FBXO36: variants seen among roughly 807,000 people sequenced by gnomAD.
The protein encoded by FBXO36 is F-box only protein 36.
FBXO36 carries 18 observed loss-of-function variants against 17.0 expected under a neutral mutation model. That is an observed-to-expected ratio of 1.06 (90% confidence interval 0.73 to 1.57). The LOEUF is 1.57. Ranked by LOEUF, FBXO36 falls within the 40% of genes most tolerant of loss-of-function variation. FBXO36 has a pLI of 0.00. For missense variants in FBXO36, 229 were observed against 221.9 expected, an observed-to-expected ratio of 1.03 and a Z score of -0.20; for synonymous variants, 83 against 85.3, an observed-to-expected ratio of 0.97 and a Z score of 0.15.
intron 2 of FBXO36, 30 bp from the exon 3 acceptor site, chr2:229,996,721 G>A: frequency 6.3e-7 from 1 of 1,590,830 alleles, no homozygotes. Context: ...GACTGTATAT[G>A]ATAACCATGT....
intron 1 of FBXO36, among the ~76,000 whole-genome samples, chr2:229,936,743 C>T (rs962116157): frequency 2.0e-5 from 3 of 152,090 alleles, no homozygotes; most frequent in African/African-American, 4.8e-5. Flanking sequence ...TGGTGGCATG[C>T]AACTGTGGTC....
At position 229,996,042 on chromosome 2, in the gene FBXO36, G is replaced by A. The variant is rs1305508864; in HGVS notation, c.206-709G>A. On this transcript the variant is annotated intron_variant, in intron 2 of 3. Coordinates refer to ENST00000283946, the MANE Select transcript of FBXO36 (RefSeq NM_174899.5). ...TGGAATCCCAGCACTTTGGGAGGCC[G>A]AGGTGGGAGGATTGCTTGAGCCCAG... Among the ~76,000 whole-genome samples the A allele has an allele frequency of 4.6e-5, 7 of 151,888 alleles. 1 individual carries two copies. Among genetic ancestry groups the A allele is most frequent in the Admixed American group, 6.6e-5 (1 of 15,208 alleles).
Position 229,976,299 on chromosome 2 carries a change from G to A in FBXO36, c.155G>A (p.Gly52Glu). ...LRSEYRSTKP[G>E]EAKETHEDFL... ...AGTGAGTATCGATCAACAAAACCTG[G>A]AGAAGCAAAAGAAACCCATGAAGAC... The change falls in exon 2 of 4, where the codon GGA (glycine) becomes GAA (glutamate). Residue 52 changes from glycine to glutamate, a missense_variant. Gly to Glu is a moderately conservative substitution (Grantham distance 98). Transcript: ENST00000283946. The A allele has an allele frequency of 1.2e-6, 2 of 1,613,788 alleles. No homozygotes were observed. Among genetic ancestry groups the A allele is most frequent in the Middle Eastern group, 1.7e-4 (1 of 6,058 alleles).
chr2:229,996,254 G>A (rs1383695960), intron 2 of FBXO36, among the ~76,000 whole-genome samples: 2 of 151,692 alleles, frequency 1.3e-5, no homozygotes, highest in African/African-American at 4.8e-5. Context: ...CTCCAGCCTG[G>A]GCGACCCCAT....
chr2:229,971,988 A>G (rs992261668), intron 1 of FBXO36, among the ~76,000 whole-genome samples: 1 of 124,404 alleles, frequency 8.0e-6, no homozygotes, highest in African/African-American at 3.4e-5. Context: ...CAAGTATCCA[A>G]TTCTTTTTTT....
intron 1 of FBXO36, among the ~76,000 whole-genome samples, chr2:229,931,978 G>A (rs902280831): frequency 2.0e-5 from 3 of 149,546 alleles, no homozygotes; most frequent in East Asian, 3.9e-4. Context: ...GTGCAGTGGT[G>A]CAATCATAGC....
At chr2:230,007,787 A>T (rs1376792825) in intron 3 of FBXO36, among the ~76,000 whole-genome samples, 1 of 151,896 alleles carries the variant, frequency 6.6e-6, no homozygotes, top group Non-Finnish European at 1.5e-5. Context: ...GTAGAGACAG[A>T]GTTTCACCAT....
intron 2 of FBXO36, among the ~76,000 whole-genome samples, chr2:229,993,498 C>CG (rs1469112173): frequency 6.6e-6 from 1 of 152,024 alleles, no homozygotes; most frequent in Non-Finnish European, 1.5e-5. Context: ...TGGAAATATG[C>CG]GGGGGTGTAA....
At chr2:229,973,694 C>T (rs1327273298) in intron 1 of FBXO36, among the ~76,000 whole-genome samples, 1 of 149,542 alleles carries the variant, frequency 6.7e-6, no homozygotes, top group Non-Finnish European at 1.5e-5. Flanking sequence ...GCACTCCAGC[C>T]TAGGGACAGA....
At chr2:229,943,874 T>C (rs1361240516) in intron 1 of FBXO36, among the ~76,000 whole-genome samples, 1 of 152,170 alleles carries the variant, frequency 6.6e-6, no homozygotes. Context: ...GTAATCCCAG[T>C]GTTGGAGGAG....
chr2:229,926,590 A>G (rs1280368134), intron 1 of FBXO36, among the ~76,000 whole-genome samples: 1 of 151,592 alleles, frequency 6.6e-6, no homozygotes, highest in Non-Finnish European at 1.5e-5. Context: ...CTAAAAATAA[A>G]AAAATTAGCT....
intron 1 of FBXO36, among the ~76,000 whole-genome samples, chr2:229,923,398 C>G (rs963490895): frequency 2.6e-5 from 4 of 152,184 alleles, no homozygotes; most frequent in Non-Finnish European, 5.9e-5. Context: ...GAAGACGTTT[C>G]TAATCCTGGC....
Position 229,949,898 on chromosome 2 carries a change from C to T in FBXO36, c.97-26343C>T, listed in dbSNP as rs777752668. Among the ~76,000 whole-genome samples the T allele has an allele frequency of 8.5e-5, 13 of 152,218 alleles. 1 individual carries two copies. The highest frequency in any genetic ancestry group is 1.3e-4 in the Non-Finnish European group (9 of 68,044). The stretch of plus-strand genomic sequence containing the variant: ...CGAGATCGTGCCAGGGCACTCCAGC[C>T]TGGGTGACAGAGCGAGACTCCGTCT... On this transcript the variant is annotated intron_variant, in intron 1 of 3. Transcript: ENST00000283946.
At chr2:229,942,037 G>A (rs940578410) in intron 1 of FBXO36, among the ~76,000 whole-genome samples, 1 of 152,012 alleles carries the variant, frequency 6.6e-6, no homozygotes, top group African/African-American at 2.4e-5. Flanking sequence ...AAAAAATTTA[G>A]ATGGGCTTAA....
chr2:229,998,176 T>C (rs2077337273), intron 3 of FBXO36, among the ~76,000 whole-genome samples: 1 of 152,220 alleles, frequency 6.6e-6, no homozygotes, highest in South Asian at 2.1e-4. Context: ...TCTTTATTTT[T>C]AAAATTAATT....
chr2:229,976,264 C>A lies in FBXO36; in HGVS notation c.120C>A (p.Ile40=), dbSNP rs1288560009. ...RSQVIFRWWK[I]SLRSEYRSTK... ...AGGTAATCTTTAGATGGTGGAAGAT[C>A]TCTCTAAGGAGTGAGTATCGATCAA... Residue 40 remains isoleucine, a synonymous_variant, in exon 2 of 4, where the codon ATC becomes ATA. Coordinates refer to ENST00000283946, the MANE Select transcript of FBXO36 (RefSeq NM_174899.5). The A allele has an allele frequency of 1.9e-6, 3 of 1,605,642 alleles. No homozygotes were observed. The East Asian group carries it at 6.7e-5, about 36-fold the overall frequency.
intron 1 of FBXO36, among the ~76,000 whole-genome samples, chr2:229,972,192 C>T (rs747913179): frequency 1.3e-5 from 2 of 151,704 alleles, no homozygotes; most frequent in East Asian, 3.9e-4. Flanking sequence ...CTGGGTTTCA[C>T]CATGTTGGAC....
chr2:229,965,465 G>A (rs558981860), intron 1 of FBXO36, among the ~76,000 whole-genome samples: 1 of 150,952 alleles, frequency 6.6e-6, no homozygotes, highest in African/African-American at 2.4e-5. Flanking sequence ...ATGTTGGTGT[G>A]CTGCACCCAT....
intron 1 of FBXO36, among the ~76,000 whole-genome samples, chr2:229,931,880 T>G (rs921215197): frequency 1.3e-5 from 2 of 151,892 alleles, no homozygotes; most frequent in Non-Finnish European, 2.9e-5. Context: ...GAAAGTAGTC[T>G]TTTGTTTTCT....
Sources: allele counts gnomAD v4.1 joint callset (sites outside exome capture counted in the v4.1 genomes callset), GRCh38; gene constraint gnomAD v4.1.1; transcripts MANE v1.5; gene names NCBI Gene and HGNC (gene_info 2026-07-23, HGNC 2026-07-21).